RREB1: variants seen among roughly 807,000 people sequenced by gnomAD.
RREB1 encodes ras-responsive element-binding protein 1.
In RREB1, 27 loss-of-function variants were observed where a neutral mutation model predicts 117.8. The ratio of observed to expected loss-of-function variants is 0.23; its 90% confidence interval spans 0.17 to 0.32. The LOEUF (loss-of-function observed/expected upper bound fraction) is 0.32. RREB1 is among the 10% of genes least tolerant of loss of function. The pLI is 1.00. For synonymous variants in RREB1, 1,298 were observed against 1,026.7 expected (o/e 1.26, Z -5.05); for missense variants, 2,577 against 2,378.2 (o/e 1.08, Z -1.74).
At chr6:7,240,168 G>A (rs887118733) in intron 10 of RREB1, among the ~76,000 whole-genome samples, 1 of 151,858 alleles carries the variant, frequency 6.6e-6, no homozygotes, top group Non-Finnish European at 1.5e-5. Context: ...TTGTAATACC[G>A]TTGTTTTACT....
chr6:7,143,359 G>A (rs568967174), intron 1 of RREB1, among the ~76,000 whole-genome samples: 2 of 152,314 alleles, frequency 1.3e-5, no homozygotes, highest in African/African-American at 4.8e-5. Context: ...CAGTGTCACA[G>A]GTAATCAGGC....
chr6:7,142,091 T>C (rs1561740982), intron 1 of RREB1, among the ~76,000 whole-genome samples: 1 of 152,194 alleles, frequency 6.6e-6, no homozygotes, highest in African/African-American at 2.4e-5. Context: ...GGCGTGCGCC[T>C]GTGATCCCAG....
At chr6:7,157,239 C>T (rs1763415328) in intron 1 of RREB1, among the ~76,000 whole-genome samples, 1 of 152,058 alleles carries the variant, frequency 6.6e-6, no homozygotes, top group Admixed American at 6.6e-5. Context: ...TGGAGACCAG[C>T]CTAGGCAACA....
chr6:7,109,150 G>C (rs1761005277), intron 1 of RREB1, among the ~76,000 whole-genome samples: 1 of 151,782 alleles, frequency 6.6e-6, no homozygotes, highest in Admixed American at 6.5e-5. Flanking sequence ...ACTTTTGTCC[G>C]CCGCCCGCTG....
intron 8 of RREB1, among the ~76,000 whole-genome samples, chr6:7,224,605 A>G (rs1281309136): frequency 6.6e-6 from 1 of 152,154 alleles, no homozygotes; most frequent in African/African-American, 2.4e-5. Flanking sequence ...CTCTGTGTGC[A>G]CAGCTCAGAG....
intron 11 of RREB1, among the ~76,000 whole-genome samples, chr6:7,244,047 A>T (rs549182191): frequency 6.6e-6 from 1 of 152,260 alleles, no homozygotes; most frequent in South Asian, 2.1e-4. Context: ...GGATCACCTG[A>T]GGTCAGGAGT....
chr6:7,127,581 T>C (rs1207447480), intron 1 of RREB1, among the ~76,000 whole-genome samples: 1 of 152,204 alleles, frequency 6.6e-6, no homozygotes, highest in Non-Finnish European at 1.5e-5. Flanking sequence ...TCAAAAATAT[T>C]GAGGATGGAC....
At chr6:7,154,523 A>G (rs1763269437) in intron 1 of RREB1, among the ~76,000 whole-genome samples, 1 of 152,234 alleles carries the variant, frequency 6.6e-6, no homozygotes, top group Non-Finnish European at 1.5e-5. Context: ...AAAAGCACTG[A>G]GGGATGGTAT....
chr6:7,128,047 A>G (rs1418542649), intron 1 of RREB1, among the ~76,000 whole-genome samples: 4 of 152,084 alleles, frequency 2.6e-5, no homozygotes, highest in Non-Finnish European at 4.4e-5. Flanking sequence ...TCAGGTTTTC[A>G]GAGTCCTCTG....
At position 7,248,267 on chromosome 6, in the gene RREB1, A is replaced by T. The variant is rs1397825137; in HGVS notation, c.4772-244A>T. On this transcript the variant is annotated intron_variant, in intron 12 of 12. Transcript: ENST00000379938. ...TTCTGGGACCTGGGTTTTCTGGATC[A>T]GTATGTAGAGTGCCTGGGCTGAGAG... is the stretch of plus-strand genomic sequence containing the variant. 6.6e-5 allele frequency among the ~76,000 whole-genome samples: 10 copies of T among 152,322 alleles called. No homozygotes were observed. In the South Asian group the frequency reaches 1.2e-3, roughly 19 times the overall value.
At chr6:7,114,884 TG>T (rs1761321755) in intron 1 of RREB1, among the ~76,000 whole-genome samples, 1 of 152,182 alleles carries the variant, frequency 6.6e-6, no homozygotes, top group Admixed American at 6.5e-5. Flanking sequence ...GAAGCTGTTG[TG>T]GTCGATGGCT....
chr6:7,118,692 G>A (rs1761521010), intron 1 of RREB1, among the ~76,000 whole-genome samples: 1 of 151,762 alleles, frequency 6.6e-6, no homozygotes, highest in South Asian at 2.1e-4. Flanking sequence ...GCTTAATAAG[G>A]CTTCACAACC....
rs961713745 is a variant in RREB1, at chr6:7,250,080, C to T, written c.*1112C>T. The T allele has an allele frequency of 1.3e-5, 2 of 152,608 alleles. No homozygotes were observed. Among genetic ancestry groups the T allele is most frequent in the African/African-American group, 4.8e-5 (2 of 41,412 alleles). 9.5% of individuals were successfully genotyped at this position (152,608 alleles called of 1,614,324 possible). ...GAGGGTGGAGTGAGGATGCATGCAT[C>T]CAGGGAACAGGCATCAAGAAGCCAG... On this transcript the variant is annotated 3_prime_UTR_variant, in exon 13 of 13. Transcript: ENST00000379938.
chr6:7,130,992 T>G (rs1201163924), intron 1 of RREB1, among the ~76,000 whole-genome samples: 14 of 130,756 alleles, frequency 1.1e-4, no homozygotes, highest in African/African-American at 4.1e-4. Context: ...AGGCTGGAGG[T>G]CAGTGGCGCG....
rs745590907 is a variant in RREB1 at position 7,231,335 on chromosome 6, C to T, written c.3236C>T (p.Pro1079Leu). 6 of 1,611,648 alleles carry T rather than the reference C, an allele frequency of 3.7e-6. No individual in the cohort carries two copies. The highest frequency in any genetic ancestry group is 2.2e-5 in the East Asian group (1 of 44,838). The change falls in exon 10 of 13, where the codon CCC (proline) becomes CTC (leucine). Residue 1079 changes from proline (P) to leucine (L), a missense_variant. Coordinates refer to ENST00000379938, the MANE Select transcript of RREB1 (RefSeq NM_001003699.4). ...AQIISSVSSA[P>L]TLLKTKVADP... ...ATCATCTCATCTGTATCCTCGGCCC[C>T]CACCCTGCTGAAAACCAAGGTGGCG... is the stretch of plus-strand genomic sequence containing the variant.
intron 8 of RREB1, among the ~76,000 whole-genome samples, chr6:7,221,303 G>A (rs1166988933): frequency 6.6e-6 from 1 of 151,948 alleles, no homozygotes; most frequent in Non-Finnish European, 1.5e-5. Flanking sequence ...CGAGTAGCTG[G>A]GACTACAGGC....
At chr6:7,141,218 G>A (rs1414829964) in intron 1 of RREB1, among the ~76,000 whole-genome samples, 1 of 152,088 alleles carries the variant, frequency 6.6e-6, no homozygotes, top group Non-Finnish European at 1.5e-5. Flanking sequence ...CCGATTGGCT[G>A]GCGGGCTGGC....
intron 1 of RREB1, among the ~76,000 whole-genome samples, chr6:7,140,487 T>C (rs1305103410): frequency 1.3e-5 from 2 of 152,226 alleles, no homozygotes; most frequent in Non-Finnish European, 1.5e-5. Context: ...AACACAGATA[T>C]AGAATAAACG....
In RREB1 at chr6:7,249,154, G is replaced by A. The variant is rs1769301233; in HGVS notation, c.*186G>A. On this transcript the variant is annotated 3_prime_UTR_variant, in exon 13 of 13. Coordinates refer to ENST00000379938, the MANE Select transcript of RREB1 (RefSeq NM_001003699.4). ...CAGTGCCATAGCCTTACCGCAGCCT[G>A]CGCGGGAGGCCACAGCCCGTGCCGA... 1 of 554,070 alleles carries A rather than the reference G, an allele frequency of 1.8e-6. No individual in the cohort carries two copies. Among genetic ancestry groups the A allele is most frequent in the Non-Finnish European group, 3.1e-6 (1 of 322,758 alleles). The allele number at this position is 554,070 out of a possible 1,614,324, so 34.3% of individuals were successfully genotyped here. A position where few individuals can be genotyped will look rare whatever the true frequency, so the allele number is the denominator to read the frequency against.
Sources: gnomAD v4.1 joint callset for allele counts (sites outside exome capture counted in the v4.1 genomes callset) on GRCh38, gnomAD v4.1.1 for gene constraint, MANE v1.5 for transcripts, NCBI Gene and HGNC (gene_info 2026-07-23, HGNC 2026-07-21) for gene names.